The following NUDCD3 variants were observed in gnomAD, a reference collection of about 807,000 sequenced individuals.
NUDCD3 encodes NudC domain containing 3, also known as nudC domain-containing protein 3.
Under a neutral mutation model 39.7 loss-of-function variants are expected in NUDCD3, and 13 were observed. That is an observed-to-expected ratio of 0.33 (90% CI 0.21 to 0.52). The LOEUF (loss-of-function observed/expected upper bound fraction) is 0.52, where lower values mean the gene tolerates loss of function less well. Ranked by LOEUF, NUDCD3 falls within the 20% of genes least tolerant of loss-of-function variation. The pLI, the probability that NUDCD3 is intolerant of heterozygous loss-of-function variation, is 0.96. For missense variants in NUDCD3, 453 were observed against 458.1 expected, an observed-to-expected ratio of 0.99 and a Z score of 0.10; for synonymous variants, 175 against 172.4, an observed-to-expected ratio of 1.02 and a Z score of -0.12.
chr7:44,478,369 G>T (rs973722433), intron 2 of NUDCD3, among the ~76,000 whole-genome samples: 1 of 152,110 alleles, frequency 6.6e-6, no homozygotes, highest in East Asian at 1.9e-4. Flanking sequence ...TGGCCAACAT[G>T]GTGAAACCCT....
intron 3 of NUDCD3, among the ~76,000 whole-genome samples, chr7:44,419,389 A>G (rs1799093644): frequency 6.6e-6 from 1 of 152,132 alleles, no homozygotes; most frequent in Non-Finnish European, 1.5e-5. Flanking sequence ...GGGAGAAGGG[A>G]CGGCTGTGGG....
intron 1 of NUDCD3, among the ~76,000 whole-genome samples, chr7:44,486,106 C>T (rs1386586911): frequency 6.6e-6 from 1 of 152,192 alleles, no homozygotes; most frequent in African/African-American, 2.4e-5. Context: ...GCACATCTTC[C>T]ACAGGGAACC....
At chr7:44,402,827 G>A in intron 4 of NUDCD3, 1 of 384,176 alleles carries the variant, frequency 2.6e-6, no homozygotes, top group Non-Finnish European at 5.3e-6. Flanking sequence ...AATACAGGCG[G>A]CCAGGGCTGC....
At chr7:44,398,760 T>C (rs1053044408) in intron 4 of NUDCD3, among the ~76,000 whole-genome samples, 11 of 152,168 alleles carry the variant, frequency 7.2e-5, no homozygotes, top group Non-Finnish European at 1.0e-4. Context: ...ATGAGACTTA[T>C]GGGAATGTTG....
At chr7:44,446,278 C>A (rs1799689315) in intron 2 of NUDCD3, among the ~76,000 whole-genome samples, 1 of 152,140 alleles carries the variant, frequency 6.6e-6, no homozygotes, top group African/African-American at 2.4e-5. Flanking sequence ...TTTTCATTAC[C>A]TGAGACCCAG....
Position 44,404,478 on chromosome 7 carries a change from T to G in NUDCD3, c.748A>C (p.Ser250Arg), listed in dbSNP as rs762486546. 5 of 1,614,110 alleles carry G rather than the reference T, an allele frequency of 3.1e-6. No individual in the cohort carries two copies. Among genetic ancestry groups the G allele is most frequent in the Non-Finnish European group, 4.2e-6 (5 of 1,180,002 alleles). Reference protein sequence around the residue: ...GKLTHKINTESSLWSLEPGKC... With the variant: ...GKLTHKINTERSLWSLEPGKC... ...CCGGGCTCGAGACTCCAGAGAGAAC[T>G]CTCAGTGTTGATCTTGTGGGTGAGC... The change falls in exon 4 of 6, where the codon AGT (serine) becomes CGT (arginine). Residue 250 changes from serine (S) to arginine (R), a missense_variant. Physicochemically the swap from Ser to Arg is moderately radical, Grantham distance 110. Transcript: ENST00000355451.
intron 2 of NUDCD3, among the ~76,000 whole-genome samples, chr7:44,474,403 A>G (rs1585104225): frequency 2.0e-5 from 3 of 152,246 alleles, no homozygotes; most frequent in Admixed American, 2.0e-4. Context: ...CTCTGGCCCT[A>G]CCTTCTAAAT....
At chr7:44,467,557 G>GTT (rs1800144438) in intron 2 of NUDCD3, among the ~76,000 whole-genome samples, 4 of 152,032 alleles carry the variant, frequency 2.6e-5, no homozygotes, top group Admixed American at 2.6e-4. Flanking sequence ...TTTGATCAAG[G>GTT]GGCAGGTCAG....
chr7:44,437,391 T>C (rs1799488846), intron 2 of NUDCD3, among the ~76,000 whole-genome samples: 3 of 152,292 alleles, frequency 2.0e-5, no homozygotes, highest in South Asian at 4.2e-4. Context: ...CTTTGTTTCT[T>C]TGTAAATTCT....
intron 2 of NUDCD3, among the ~76,000 whole-genome samples, chr7:44,431,578 G>A (rs1293536683): frequency 6.6e-6 from 1 of 152,018 alleles, no homozygotes; most frequent in Non-Finnish European, 1.5e-5. Context: ...GTTTCTGACC[G>A]GGTTCCTGAG....
Position 44,490,481 on chromosome 7 carries a change from G to T in NUDCD3, c.120C>A (p.Phe40Leu), listed in dbSNP as rs774559000. 3.1e-5 allele frequency: 50 copies of T among 1,608,546 alleles called. No homozygotes were observed. The Admixed American group carries it at 6.9e-4, about 22-fold the overall frequency. Residue 40 changes from phenylalanine to leucine, a missense_variant, in exon 1 of 6, where the codon TTC (phenylalanine) becomes TTA (leucine). Physicochemically the swap from Phe to Leu is conservative, Grantham distance 22 (BLOSUM62 0). Transcript: ENST00000355451. ...LFGFLYRKTD[F>L]YRLLRHPSDR... The stretch of plus-strand genomic sequence containing the variant: ...CCGATGGGTGGCGCAGCAAGCGATA[G>T]AAGTCTGTCTTGCGGTAGAGGAAGC...
chr7:44,446,677 G>A (rs1158987140), intron 2 of NUDCD3, among the ~76,000 whole-genome samples: 8 of 152,308 alleles, frequency 5.3e-5, no homozygotes, highest in Non-Finnish European at 8.8e-5. Context: ...TGACATTTGG[G>A]TAGGGGGCTG....
chr7:44,441,096 C>T (rs1799575529), intron 2 of NUDCD3, among the ~76,000 whole-genome samples: 1 of 152,346 alleles, frequency 6.6e-6, no homozygotes, highest in Admixed American at 6.5e-5. Flanking sequence ...CCACTATTCA[C>T]AGCACTTGAT....
At chr7:44,485,346 T>C in intron 1 of NUDCD3, 62 bp from the exon 2 acceptor site, 1 of 1,350,642 alleles carries the variant, frequency 7.4e-7, no homozygotes, top group Non-Finnish European at 1.0e-6. Flanking sequence ...ACATATCTTG[T>C]AGAAATGTCG....
chr7:44,469,115 CAAAAAA>C (rs756247647), intron 2 of NUDCD3, among the ~76,000 whole-genome samples: 2 of 32,842 alleles, frequency 6.1e-5, no homozygotes, highest in Non-Finnish European at 5.2e-5. Flanking sequence ...ACAAACAAAC[CAAAAAA>C]AAAAAAAAAA....
Position 44,385,301 on chromosome 7 carries a change from C to G in NUDCD3, c.*710G>C, listed in dbSNP as rs2095026399. The G allele has an allele frequency of 6.6e-6, 1 of 152,248 alleles. No individual in the cohort carries two copies. Among genetic ancestry groups the G allele is most frequent in the African/African-American group, 2.4e-5 (1 of 41,408 alleles). 9.4% of individuals were successfully genotyped at this position (152,248 alleles called of 1,614,324 possible). A position where few individuals can be genotyped will look rare whatever the true frequency, so the allele number is the denominator to read the frequency against. ...GGGCTTGGTTCACTTCAACAAGAAC[C>G]AAAGCAAGGTCGCCACAGTCAGAGA... On this transcript the variant is annotated 3_prime_UTR_variant, in exon 6 of 6. Coordinates refer to ENST00000355451, the MANE Select transcript of NUDCD3 (RefSeq NM_015332.4).
chr7:44,479,234 C>T (rs956884663), intron 2 of NUDCD3, among the ~76,000 whole-genome samples: 6 of 152,186 alleles, frequency 3.9e-5, no homozygotes, highest in African/African-American at 1.4e-4. Flanking sequence ...CCAAACCATA[C>T]TGGTCATCTA....
rs983788580 is a variant in NUDCD3, at chr7:44,379,877, G to A, written c.*6134C>T. 6.6e-6 allele frequency: 1 copy of A among 152,022 alleles called. No individual in the cohort carries two copies. Among genetic ancestry groups the A allele is most frequent in the African/African-American group, 2.4e-5 (1 of 40,934 alleles). The allele number at this position is 152,022 out of a possible 1,614,324, so 9.4% of individuals were successfully genotyped here. A position where few individuals can be genotyped will look rare whatever the true frequency, so the allele number is the denominator to read the frequency against. On this transcript the variant is annotated 3_prime_UTR_variant, in exon 6 of 6. Coordinates refer to ENST00000355451, the MANE Select transcript of NUDCD3 (RefSeq NM_015332.4). ...TTTGAGGGGGCAGGGTTCTCCAGTA[G>A]CAGGTGTTGCACAGTGGGGAATGGT...
Position 44,438,611 on chromosome 7 carries a change from C to A in NUDCD3, c.510-10908G>T, listed in dbSNP as rs902435333. Among the ~76,000 whole-genome samples the A allele has an allele frequency of 2.0e-5, 3 of 150,870 alleles. No homozygotes were observed. In the South Asian group the frequency reaches 6.4e-4, roughly 32 times the overall value. On this transcript the variant is annotated intron_variant, in intron 2 of 5. Coordinates refer to ENST00000355451, the MANE Select transcript of NUDCD3 (RefSeq NM_015332.4). ...CACCCAGTGCTAATTCTGACCCCAC[C>A]CTATACCCAGTGCTAATCCACACCC...
Sources: allele counts gnomAD v4.1 joint callset (sites outside exome capture counted in the v4.1 genomes callset), GRCh38; gene constraint gnomAD v4.1.1; transcripts MANE v1.5; gene names NCBI Gene and HGNC (gene_info 2026-07-23, HGNC 2026-07-21).